The following BAZ2B variants were observed in gnomAD, a reference collection of about 807,000 sequenced individuals.
The protein encoded by BAZ2B is bromodomain adjacent to zinc finger domain protein 2B.
A neutral mutation model predicts 246.0 loss-of-function variants in BAZ2B; 91 were observed. The ratio of observed to expected loss-of-function variants is 0.37; its 90% CI spans 0.31 to 0.44. The LOEUF (loss-of-function observed/expected upper bound fraction) is 0.44. Ranked by LOEUF, BAZ2B falls within the 20% of genes least tolerant of loss-of-function variation. BAZ2B has a pLI of 1.00. For synonymous variants in BAZ2B, 855 were observed against 860.0 expected (o/e 0.99, Z 0.10); for missense variants, 2,332 against 2,533.7 (o/e 0.92, Z 1.71).
chr2:159,348,709 A>G lies in BAZ2B; in HGVS notation c.5262T>C (p.Tyr1754=). The G allele has an allele frequency of 1.9e-6, 3 of 1,610,232 alleles. No homozygotes were observed. Among genetic ancestry groups the G allele is most frequent in the Non-Finnish European group, 2.5e-6 (3 of 1,179,156 alleles). Residue 1754 remains tyrosine, a synonymous_variant, in exon 30 of 37, where the codon TAT becomes TAC. Coordinates refer to ENST00000392783, the MANE Select transcript of BAZ2B (RefSeq NM_013450.4). ...TATTCTTGAGGCAGGCTTGAGTAAT[A>G]TAATCCAAATGTTTCTGAATTTGTT... ...LQKQIQKHLD[Y]ITQACLKNKD... is the part of the protein sequence containing the mutation.
chr2:159,679,271 C>CAAAAAAAA, the BAZ2B span, among the ~76,000 whole-genome samples: 1 of 64,462 alleles, frequency 1.6e-5, no homozygotes. Context: ...GACTTCATCT[C>CAAAAAAAA]AAAAAAAAAA....
Position 159,499,184 on chromosome 2 carries a change from G to A in BAZ2B, c.-2-20463C>T, listed in dbSNP as rs1009309130. ...GATGCTCTCTCTCACCCCCGTCCCC[G>A]CCACTCCGACATGCACCAGTGTGTG... On this transcript the variant is annotated intron_variant, in intron 2 of 36. Transcript: ENST00000392783. Among the ~76,000 whole-genome samples, 5 of 151,974 alleles carry A rather than the reference G, an allele frequency of 3.3e-5. No homozygotes were observed. In the South Asian group the frequency reaches 6.2e-4, roughly 19 times the overall value.
intron 4 of BAZ2B, among the ~76,000 whole-genome samples, chr2:159,450,145 A>G (rs1330711999): frequency 6.6e-6 from 1 of 152,220 alleles, no homozygotes; most frequent in Non-Finnish European, 1.5e-5. Flanking sequence ...AAAGTGTAAT[A>G]AGACTCAAAT....
At position 159,433,123 on chromosome 2, in the gene BAZ2B, T is replaced by C. The variant is rs762114513; in HGVS notation, c.1534A>G (p.Lys512Glu). 6.2e-7 allele frequency: 1 copy of C among 1,614,220 alleles called. No individual in the cohort carries two copies. The highest frequency in any genetic ancestry group is 2.2e-5 in the East Asian group (1 of 44,882). Reference sequence around the variant, plus strand: ...TTAATCTTGCTCTGCATTTTAGTTTTGGTAGTAAGTGCTAGAGGAGCTTCT... The same window carrying C: ...TTAATCTTGCTCTGCATTTTAGTTTCGGTAGTAAGTGCTAGAGGAGCTTCT... The part of the protein sequence containing the change: ...IQEAPLALTT[K>E]TKMQSKINEN... The change falls in exon 9 of 37, where the codon AAA becomes GAA. Residue 512 changes from lysine to glutamate, a missense_variant. By Grantham distance (56) the Lys-to-Glu change is moderately conservative. Coordinates refer to ENST00000392783, the MANE Select transcript of BAZ2B (RefSeq NM_013450.4).
At chr2:159,419,241 T>C (rs1038702240) in intron 13 of BAZ2B, among the ~76,000 whole-genome samples, 1 of 152,080 alleles carries the variant, frequency 6.6e-6, no homozygotes, top group East Asian at 1.9e-4. Flanking sequence ...TTAGCTTCAG[T>C]GTAAGTAATG....
At position 159,544,332 on chromosome 2, in the gene BAZ2B, C is replaced by T. The variant is rs575513633; in HGVS notation, c.-3+11491G>A. On this transcript the variant is annotated intron_variant, in intron 2 of 36. Transcript: ENST00000392783. ...ATTAGTACCTGGCGCACAGTGAGCA[C>T]TCCACTAACATTAGCTCTTATTGTT... 4.6e-5 allele frequency among the ~76,000 whole-genome samples: 7 copies of T among 152,272 alleles called. No homozygotes were observed. The East Asian group carries it at 9.6e-4, about 21-fold the overall frequency.
chr2:159,348,528 C>G, intron 30 of BAZ2B, 150 bp downstream of exon 30: 1 of 909,096 alleles, frequency 1.1e-6, no homozygotes, highest in Non-Finnish European at 1.6e-6. Flanking sequence ...ACCCATCTTT[C>G]TTTGACTGTT....
chr2:159,662,463 T>C, the BAZ2B span, among the ~76,000 whole-genome samples: 1 of 152,218 alleles, frequency 6.6e-6, no homozygotes, highest in African/African-American at 2.4e-5. Context: ...GCCAGCACCA[T>C]ATGAGAGGTT....
intron 2 of BAZ2B, among the ~76,000 whole-genome samples, chr2:159,521,281 T>C (rs1423830864): frequency 1.3e-5 from 2 of 152,084 alleles, no homozygotes; most frequent in Non-Finnish European, 2.9e-5. Context: ...GTAGGAAACA[T>C]TTCCATAATA....
At chr2:159,462,560 A>G (rs1231010944) in intron 3 of BAZ2B, 1 of 883,560 alleles carries the variant, frequency 1.1e-6, no homozygotes, top group Non-Finnish European at 1.9e-6. Context: ...TGCATTCTCT[A>G]TGATTTTAAT....
At chr2:159,493,024 A>C (rs1047417817) in intron 2 of BAZ2B, among the ~76,000 whole-genome samples, 1 of 152,202 alleles carries the variant, frequency 6.6e-6, no homozygotes, top group Non-Finnish European at 1.5e-5. Flanking sequence ...AAACTAGTAA[A>C]ACTAAAATAT....
intron 1 of BAZ2B, among the ~76,000 whole-genome samples, chr2:159,567,099 C>G (rs1303638477): frequency 1.3e-5 from 2 of 151,990 alleles, no homozygotes; most frequent in Non-Finnish European, 2.9e-5. Context: ...AAAAATTAGC[C>G]AGGCATGGTG....
chr2:159,598,924 A>AATAC (rs929529341), intron 1 of BAZ2B, among the ~76,000 whole-genome samples: 43 of 151,988 alleles, frequency 2.8e-4, no homozygotes, highest in South Asian at 6.3e-4. Flanking sequence ...CTGTCTCATA[A>AATAC]ATACATACAT....
At chr2:159,331,131 T>G (rs2064681929) in intron 34 of BAZ2B, among the ~76,000 whole-genome samples, 1 of 151,960 alleles carries the variant, frequency 6.6e-6, no homozygotes, top group African/African-American at 2.4e-5. Context: ...TAAGAATGGA[T>G]GGGATCTGAG....
At chr2:159,354,914 T>C (rs2058936790) in intron 27 of BAZ2B, among the ~76,000 whole-genome samples, 1 of 152,168 alleles carries the variant, frequency 6.6e-6, no homozygotes, top group African/African-American at 2.4e-5. Context: ...TGACAAAATA[T>C]CATTTCCTAA....
intron 35 of BAZ2B, 38 bp from the exon 36 acceptor site, chr2:159,324,992 T>G: frequency 7.6e-7 from 1 of 1,314,716 alleles, no homozygotes; most frequent in Non-Finnish European, 9.8e-7. Context: ...ATCCATACTT[T>G]ACAACTGTCT....
At chr2:159,464,642 A>G (rs1307217640) in intron 3 of BAZ2B, 2 of 152,198 alleles carry the variant, frequency 1.3e-5, no homozygotes, top group Non-Finnish European at 2.9e-5. Context: ...AAAAGCTGCC[A>G]TTTAATAACA....
chr2:159,680,455 T>A, the BAZ2B span, among the ~76,000 whole-genome samples: 1 of 152,192 alleles, frequency 6.6e-6, no homozygotes, highest in Non-Finnish European at 1.5e-5. Flanking sequence ...TCAAATAAAA[T>A]TTTAAAGTAG....
At chr2:159,353,143 T>C (rs1001127010) in intron 27 of BAZ2B, among the ~76,000 whole-genome samples, 5 of 152,212 alleles carry the variant, frequency 3.3e-5, no homozygotes, top group African/African-American at 1.2e-4. Context: ...TATATAGGTA[T>C]ATCATAATTT....
Sources: gnomAD v4.1 joint callset for allele counts (sites outside exome capture counted in the v4.1 genomes callset) on GRCh38, gnomAD v4.1.1 for gene constraint, MANE v1.5 for transcripts, NCBI Gene and HGNC (gene_info 2026-07-23, HGNC 2026-07-21) for gene names.